GRID2: variants seen among roughly 807,000 people sequenced by gnomAD.
GRID2 encodes the protein glutamate receptor ionotropic, delta-2.
In GRID2, 33 loss-of-function variants were observed where a neutral mutation model predicts 114.8. That is an observed-to-expected ratio of 0.29 (90% CI 0.22 to 0.38). The LOEUF is 0.38. Among genes scored for constraint, GRID2 ranks in the 10% least tolerant of loss-of-function variants. The pLI is 1.00. For synonymous variants in GRID2, 505 were observed against 449.9 expected (o/e 1.12, Z -1.55); for missense variants, 1,184 against 1,257.7 (o/e 0.94, Z 0.89).
intron 1 of GRID2, among the ~76,000 whole-genome samples, chr4:93,782,744 T>G (rs895172959): frequency 3.3e-5 from 5 of 152,144 alleles, no homozygotes; most frequent in Non-Finnish European, 7.3e-5. Flanking sequence ...ATATCGTATA[T>G]CAAATATAAA....
At chr4:93,219,188 A>C (rs1744597485) in intron 6 of GRID2, among the ~76,000 whole-genome samples, 1 of 152,242 alleles carries the variant, frequency 6.6e-6, no homozygotes, top group African/African-American at 2.4e-5. Context: ...AAATTATAAA[A>C]TATTAAAAGT....
At position 93,681,425 on chromosome 4, in the gene GRID2, A is replaced by G. The variant is rs1464044396; in HGVS notation, c.2360+54990A>G. Among the ~76,000 whole-genome samples the G allele has an allele frequency of 2.5e-4, 38 of 151,426 alleles. 1 individual carries two copies. The highest frequency in any genetic ancestry group is 8.5e-4 in the African/African-American group (35 of 40,978). ...ACTTTCTTCACAGAATTGGAAAAAA[A>G]CTACTTTAAAGTTCATGTGGAACCA... On this transcript the variant is annotated intron_variant, in intron 14 of 15. Transcript: ENST00000282020.
chr4:92,681,839 G>C (rs1733665124), intron 2 of GRID2, among the ~76,000 whole-genome samples: 2 of 151,986 alleles, frequency 1.3e-5, no homozygotes, highest in African/African-American at 4.8e-5. Context: ...GAAGATGAAG[G>C]GTATATGGTA....
In GRID2 at chr4:93,055,331, A is replaced by G. The variant is rs113273197; in HGVS notation, c.245-29664A>G. Among the ~76,000 whole-genome samples, 682 of 151,914 alleles carry G rather than the reference A, an allele frequency of 4.5e-3. 6 individuals are homozygous for G. Among genetic ancestry groups the G allele is most frequent in the African/African-American group, 0.015 (621 of 41,454 alleles). On this transcript the variant is annotated intron_variant, in intron 2 of 15. Transcript: ENST00000282020. ...TTGACAAAGCAGTGCTGGGTTTTCC[A>G]CACTATTATGTTTCATTCATAGGTT...
chr4:92,850,959 C>A (rs1743737725), intron 2 of GRID2, among the ~76,000 whole-genome samples: 2 of 151,904 alleles, frequency 1.3e-5, no homozygotes, highest in African/African-American at 4.8e-5. Context: ...TTCATTGCCA[C>A]AGGTGTGTGC....
In GRID2 at chr4:93,594,228, T is replaced by G. The variant is rs919259757; in HGVS notation, c.2194-32041T>G. 4.6e-5 allele frequency among the ~76,000 whole-genome samples: 7 copies of G among 151,952 alleles called. 1 individual carries two copies. Among genetic ancestry groups the G allele is most frequent in the Admixed American group, 4.6e-4 (7 of 15,256 alleles). On this transcript the variant is annotated intron_variant, in intron 13 of 15. Coordinates refer to ENST00000282020, the MANE Select transcript of GRID2 (RefSeq NM_001510.4). ...TTGGTATGGTGATGTACAGATGGGTTTTTGGTGTGGATGTCCTTTCTGTTT... is the reference window on the plus strand; with the variant it reads ...TTGGTATGGTGATGTACAGATGGGTGTTTGGTGTGGATGTCCTTTCTGTTT...
At chr4:93,715,872 C>T (rs1269273570) in intron 14 of GRID2, among the ~76,000 whole-genome samples, 1 of 152,166 alleles carries the variant, frequency 6.6e-6, no homozygotes, top group Non-Finnish European at 1.5e-5. Context: ...ATGTCATCTT[C>T]AAACAAAGCT....
chr4:93,365,544 T>G (rs981395137), intron 8 of GRID2, among the ~76,000 whole-genome samples: 1 of 152,174 alleles, frequency 6.6e-6, no homozygotes, highest in Non-Finnish European at 1.5e-5. Flanking sequence ...AAAACAAAAA[T>G]TATTGTCATC....
intron 14 of GRID2, among the ~76,000 whole-genome samples, chr4:93,679,016 C>A (rs1725221206): frequency 6.6e-6 from 1 of 151,186 alleles, no homozygotes; most frequent in African/African-American, 2.5e-5. Context: ...CATCAGTGTG[C>A]TGTATTCAGG....
At chr4:93,258,918 G>A (rs1185600903) in intron 8 of GRID2, 1 of 455,608 alleles carries the variant, frequency 2.2e-6, no homozygotes, top group South Asian at 1.6e-5. Flanking sequence ...AGACCACAGG[G>A]CTCTACTGGG....
intron 14 of GRID2, among the ~76,000 whole-genome samples, chr4:93,759,247 C>A (rs1397892945): frequency 1.3e-5 from 2 of 152,094 alleles, no homozygotes; most frequent in Non-Finnish European, 2.9e-5. Context: ...GCGAACAGGG[C>A]TGATTTTGCC....
At chr4:93,015,760 A>G (rs2149238396) in intron 2 of GRID2, among the ~76,000 whole-genome samples, 1 of 152,254 alleles carries the variant, frequency 6.6e-6, no homozygotes, top group South Asian at 2.1e-4. Context: ...ACAGACTTTC[A>G]AAACAGGGAG....
chr4:92,519,304 C>T (rs570974129), intron 1 of GRID2, among the ~76,000 whole-genome samples: 3 of 151,638 alleles, frequency 2.0e-5, no homozygotes, highest in South Asian at 4.2e-4. Context: ...GAATTCTACC[C>T]ATAAGTTATT....
chr4:92,368,723 T>C (rs75539716), intron 1 of GRID2, among the ~76,000 whole-genome samples: 2,027 of 152,168 alleles, frequency 0.013, 40 homozygotes, highest in African/African-American at 0.047. Flanking sequence ...TCGGAGTCTA[T>C]GATTTAATGT....
chr4:92,440,895 G>A (rs556937029), intron 1 of GRID2, among the ~76,000 whole-genome samples: 1 of 152,268 alleles, frequency 6.6e-6, no homozygotes, highest in African/African-American at 2.4e-5. Context: ...TCAATAAAGA[G>A]TGAGTATAGC....
chr4:93,322,359 T>C (rs1357686792), intron 8 of GRID2, among the ~76,000 whole-genome samples: 1 of 152,034 alleles, frequency 6.6e-6, no homozygotes, highest in East Asian at 1.9e-4. Flanking sequence ...ATCCATGTCC[T>C]TACAAAGGAC....
At chr4:93,594,794 C>G (rs1033007750) in intron 13 of GRID2, among the ~76,000 whole-genome samples, 6 of 152,140 alleles carry the variant, frequency 3.9e-5, no homozygotes, top group Non-Finnish European at 7.3e-5. Flanking sequence ...GCGCAGTATT[C>G]GGGTGGGAGT....
chr4:92,415,780 A>ATATATATATATATATG (rs1317733752), intron 1 of GRID2, among the ~76,000 whole-genome samples: 1 of 115,086 alleles, frequency 8.7e-6, no homozygotes, highest in Non-Finnish European at 1.8e-5. Context: ...ATATATATAT[A>ATATATATATATATATG]TCACATTTTC....
chr4:92,764,446 C>G (rs1160128333), intron 2 of GRID2, among the ~76,000 whole-genome samples: 1 of 152,086 alleles, frequency 6.6e-6, no homozygotes. Flanking sequence ...ACCCATTGCT[C>G]AGAGTACCCA....
Sources: allele counts gnomAD v4.1 joint callset (sites outside exome capture counted in the v4.1 genomes callset), GRCh38; gene constraint gnomAD v4.1.1; transcripts MANE v1.5; gene names NCBI Gene and HGNC (gene_info 2026-07-23, HGNC 2026-07-21).